Variants in ATG13 observed in about 807,000 individuals in gnomAD.
The protein encoded by ATG13 is autophagy related 13, also known as autophagy-related protein 13.
In ATG13, 23 loss-of-function variants were observed where a neutral mutation model predicts 65.5. That is an observed-to-expected ratio of 0.35 (90% CI 0.25 to 0.50). The LOEUF (loss-of-function observed/expected upper bound fraction) is 0.50, where lower values mean the gene tolerates loss of function less well. Ranked by LOEUF, ATG13 falls within the 20% of genes least tolerant of loss-of-function variation. The pLI, the probability that ATG13 is intolerant of heterozygous loss-of-function variation, is 0.98. For synonymous variants in ATG13, 252 were observed against 245.2 expected, an observed-to-expected ratio of 1.03 and a Z score of -0.26; for missense variants, 566 against 677.0, an observed-to-expected ratio of 0.84 and a Z score of 1.82.
intron 5 of ATG13, among the ~76,000 whole-genome samples, chr11:46,648,167 C>T (rs1435733785): frequency 6.6e-6 from 1 of 151,562 alleles, no homozygotes; most frequent in Non-Finnish European, 1.5e-5. Context: ...ACGATCTTGG[C>T]TCACTGCAAC....
At chr11:46,623,233 G>T (rs1375740773) in intron 1 of ATG13, among the ~76,000 whole-genome samples, 1 of 152,032 alleles carries the variant, frequency 6.6e-6, no homozygotes, top group Non-Finnish European at 1.5e-5. Flanking sequence ...GGTGGAGTTT[G>T]CAGTGAGCCG....
intron 2 of ATG13, among the ~76,000 whole-genome samples, chr11:46,636,013 G>A (rs1208329277): frequency 1.3e-5 from 2 of 152,106 alleles, no homozygotes; most frequent in Non-Finnish European, 2.9e-5. Flanking sequence ...TGGCACAGTT[G>A]TTAGTGTTCT....
intron 5 of ATG13, among the ~76,000 whole-genome samples, chr11:46,647,734 G>A (rs901501573): frequency 1.3e-5 from 2 of 150,330 alleles, no homozygotes; most frequent in African/African-American, 2.5e-5. Context: ...ACCACACATG[G>A]CTAATGTTTA....
At chr11:46,634,046 G>A (rs538559811) in intron 2 of ATG13, among the ~76,000 whole-genome samples, 1 of 151,906 alleles carries the variant, frequency 6.6e-6, no homozygotes, top group African/African-American at 2.4e-5. Flanking sequence ...GCCTCTGATC[G>A]CCTTTTTGAA....
chr11:46,656,472 C>A, intron 8 of ATG13, 199 bp downstream of exon 8: 1 of 455,370 alleles, frequency 2.2e-6, no homozygotes, highest in East Asian at 3.3e-5. Context: ...TCCCAAAGTT[C>A]CAGGAACTCA....
chr11:46,619,372 C>CTTTT lies in ATG13; in HGVS notation c.-70+1508_-70+1511dup, dbSNP rs746642470. 4.0e-4 allele frequency among the ~76,000 whole-genome samples: 14 copies of CTTTT among 35,324 alleles called. 3 individuals are homozygous for CTTTT. Among genetic ancestry groups the CTTTT allele is most frequent in the Non-Finnish European group, 6.4e-4 (12 of 18,682 alleles). 23.2% of individuals were successfully genotyped at this position (35,324 alleles called of 152,430 possible). A position where few individuals can be genotyped will look rare whatever the true frequency, so the allele number is the denominator to read the frequency against. On this transcript the variant is annotated intron_variant, in intron 1 of 18. Coordinates refer to ENST00000683050, the MANE Select transcript of ATG13 (RefSeq NM_001346311.2). ...ATGTCCTTGGAAGGTAGATTTCTTG[C>CTTTT]TTTTTTTTTTTTTTTTTTTTTTTTT...
At position 46,617,829 on chromosome 11, in the gene ATG13, G is replaced by C. The variant is rs887233779; in HGVS notation, c.-131G>C. 2.5e-6 allele frequency: 1 copy of C among 399,136 alleles called. No homozygotes were observed. Among genetic ancestry groups the C allele is most frequent in the Non-Finnish European group, 4.4e-6 (1 of 226,242 alleles). 24.7% of individuals were successfully genotyped at this position (399,136 alleles called of 1,614,324 possible). ...CTCAGCCAGGAGGCGCGGCTGGTCG[G>C]TCCCAGGTCCCGGCCTCCGTAATGA... On this transcript the variant is annotated 5_prime_UTR_variant, in exon 1 of 19. Coordinates refer to ENST00000683050, the MANE Select transcript of ATG13 (RefSeq NM_001346311.2).
chr11:46,671,229 C>T (rs2063652792), intron 18 of ATG13, among the ~76,000 whole-genome samples: 1 of 152,206 alleles, frequency 6.6e-6, no homozygotes, highest in South Asian at 2.1e-4. Flanking sequence ...TCCACGCTCC[C>T]TTGTGGTCGT....
Position 46,627,328 on chromosome 11 carries a change from G to A in ATG13, c.-69-2717G>A, listed in dbSNP as rs190268184. ...TGGGAGGCGGAGGTTGCAGTGAGCC[G>A]AGATTGCACCACTGCACTCCATCCA... On this transcript the variant is annotated intron_variant, in intron 1 of 18. Transcript: ENST00000683050. Among the ~76,000 whole-genome samples, 10 of 152,084 alleles carry A rather than the reference G, an allele frequency of 6.6e-5. No individual in the cohort carries two copies. In the East Asian group the frequency reaches 1.2e-3, roughly 18 times the overall value.
At chr11:46,639,171 A>G (rs915476204) in intron 2 of ATG13, among the ~76,000 whole-genome samples, 8 of 152,156 alleles carry the variant, frequency 5.3e-5, no homozygotes, top group Middle Eastern at 6.8e-3. Context: ...TATTTTTAGT[A>G]GAGACAGGGT....
intron 14 of ATG13, among the ~76,000 whole-genome samples, chr11:46,666,004 G>A (rs1036418266): frequency 1.3e-5 from 2 of 151,614 alleles, no homozygotes; most frequent in African/African-American, 2.4e-5. Context: ...GGGGGGTCTC[G>A]TCATATTACC....
At chr11:46,631,192 G>C (rs61884270) in intron 2 of ATG13, among the ~76,000 whole-genome samples, 1 of 152,068 alleles carries the variant, frequency 6.6e-6, no homozygotes, top group Non-Finnish European at 1.5e-5. Context: ...ATGTATGTAT[G>C]TAAGTGTAAA....
At chr11:46,650,433 A>T in intron 7 of ATG13, 116 bp downstream of exon 7, 1 of 1,364,856 alleles carries the variant, frequency 7.3e-7, no homozygotes, top group Non-Finnish European at 1.0e-6. Context: ...TTGTTGGATT[A>T]TTGATGCTGT....
intron 7 of ATG13, among the ~76,000 whole-genome samples, chr11:46,652,976 A>G (rs1395928622): frequency 6.6e-6 from 1 of 152,106 alleles, no homozygotes; most frequent in South Asian, 2.1e-4. Context: ...CTTTGTTTAC[A>G]TATTGTCTAT....
At chr11:46,642,304 GTTTTTTTTT>G (rs200225497) in intron 2 of ATG13, among the ~76,000 whole-genome samples, 20,182 of 108,118 alleles carry the variant, frequency 0.19, 1,601 homozygotes, top group Middle Eastern at 0.31. Context: ...ATTTTTGTGG[GTTTTTTTTT>G]TTTTTTTTTT....
intron 5 of ATG13, among the ~76,000 whole-genome samples, chr11:46,647,516 G>C (rs1199838877): frequency 6.6e-6 from 1 of 151,932 alleles, no homozygotes; most frequent in African/African-American, 2.4e-5. Context: ...GACTTCAGGT[G>C]ATCCACCTGC....
chr11:46,669,385 CTCTG>C lies in ATG13; in HGVS notation c.1447-15_1447-12del. 6.2e-7 allele frequency: 1 copy of C among 1,613,392 alleles called. No homozygotes were observed. The highest frequency in any genetic ancestry group is 8.5e-7 in the Non-Finnish European group (1 of 1,179,590). ...TGTGGTTCAAGGCAAGCTAAACTGACTCTGTCTTGTTTTTGAAGAAACCAGCTTT... is the reference window on the plus strand; with the variant it reads ...TGTGGTTCAAGGCAAGCTAAACTGACTCTTGTTTTTGAAGAAACCAGCTTT... On this transcript the variant is annotated splice_polypyrimidine_tract_variant and intron_variant, in intron 17 of 18. Coordinates refer to ENST00000683050, the MANE Select transcript of ATG13 (RefSeq NM_001346311.2).
At chr11:46,619,211 AGC>A (rs2046445519) in intron 1 of ATG13, among the ~76,000 whole-genome samples, 1 of 152,052 alleles carries the variant, frequency 6.6e-6, no homozygotes, top group African/African-American at 2.4e-5. Flanking sequence ...GAGGTACTGT[AGC>A]CAGGAGGAAT....
intron 1 of ATG13, among the ~76,000 whole-genome samples, chr11:46,628,249 A>G (rs956472833): frequency 5.3e-5 from 8 of 152,042 alleles, no homozygotes; most frequent in Non-Finnish European, 1.0e-4. Context: ...TTAAAAATAC[A>G]AAAATAAGCT....
Sources: allele counts gnomAD v4.1 joint callset (sites outside exome capture counted in the v4.1 genomes callset), GRCh38; gene constraint gnomAD v4.1.1; transcripts MANE v1.5; gene names NCBI Gene and HGNC (gene_info 2026-07-23, HGNC 2026-07-21).